Variants in DAPK1 observed in about 807,000 individuals in gnomAD.
The protein encoded by DAPK1 is death associated protein kinase 1.
DAPK1 carries 56 observed loss-of-function variants against 144.9 expected under a neutral mutation model. The ratio of observed to expected loss-of-function variants is 0.39; its 90% CI spans 0.31 to 0.48. DAPK1 has a LOEUF of 0.48. Among genes scored for constraint, DAPK1 ranks in the 20% least tolerant of loss-of-function variants. The pLI is 0.95. For synonymous variants in DAPK1, 690 were observed against 749.0 expected (o/e 0.92, Z 1.29); for missense variants, 1,454 against 1,875.4 (o/e 0.78, Z 4.15).
intron 2 of DAPK1, among the ~76,000 whole-genome samples, chr9:87,503,644 A>C (rs1183972262): frequency 2.6e-5 from 4 of 152,202 alleles, no homozygotes; most frequent in Non-Finnish European, 4.4e-5. Flanking sequence ...TGAGTGGATC[A>C]ATATATGTAA....
chr9:87,686,745 C>T lies in DAPK1; in HGVS notation c.2413+6C>T, dbSNP rs1391343305. 3 of 1,595,726 alleles carry T rather than the reference C, an allele frequency of 1.9e-6. No homozygotes were observed. In the African/African-American group the frequency reaches 4.0e-5, roughly 21 times the overall value. ...CCAGAACGCTTATTTGAATGGTATG[C>T]CCTGCCTGCCCCAAGGGAAGGACCT... On this transcript the variant is annotated splice_donor_region_variant and intron_variant, in intron 21 of 25. Coordinates refer to ENST00000408954, the MANE Select transcript of DAPK1 (RefSeq NM_004938.4). The surrounding 1 kb of genome is among the most constrained non-coding windows in gnomAD (Gnocchi z 4.2).
At chr9:87,678,550 AGT>A (rs963409979) in intron 19 of DAPK1, among the ~76,000 whole-genome samples, 5 of 152,250 alleles carry the variant, frequency 3.3e-5, no homozygotes, top group African/African-American at 1.2e-4. Context: ...AAAAAAGCAA[AGT>A]GTAGTTATTT....
At chr9:87,556,493 T>C (rs7852430) in intron 2 of DAPK1, among the ~76,000 whole-genome samples, 115,902 of 152,080 alleles carry the variant, frequency 0.76, 45,033 homozygotes, top group African/African-American at 0.92. Context: ...ATGCATGGGT[T>C]AGTATTCTGG....
At chr9:87,543,574 T>C (rs1400138471) in intron 2 of DAPK1, among the ~76,000 whole-genome samples, 1 of 152,232 alleles carries the variant, frequency 6.6e-6, no homozygotes, top group Non-Finnish European at 1.5e-5. Context: ...AAATTAATAT[T>C]TGTCCTTATC....
chr9:87,565,530 A>G lies in DAPK1; in HGVS notation c.63-39424A>G, dbSNP rs972965306. On this transcript the variant is annotated intron_variant, in intron 2 of 25. Transcript: ENST00000408954. ...ATAGGAGAATGGCTAGTATGGCACT[A>G]ACTCAGGTTACAGATGGAAGGGAAT... Among the ~76,000 whole-genome samples the G allele has an allele frequency of 3.9e-5, 6 of 152,278 alleles. No homozygotes were observed. In the South Asian group the frequency reaches 6.2e-4, roughly 16 times the overall value.
At chr9:87,597,037 C>T (rs983221248) in intron 2 of DAPK1, among the ~76,000 whole-genome samples, 1 of 152,074 alleles carries the variant, frequency 6.6e-6, no homozygotes, top group Non-Finnish European at 1.5e-5. Context: ...GAGCTGCGGG[C>T]AGGAGCAACT....
chr9:87,597,615 G>T (rs1324950719), intron 2 of DAPK1, among the ~76,000 whole-genome samples: 1 of 152,044 alleles, frequency 6.6e-6, no homozygotes, highest in Non-Finnish European at 1.5e-5. Flanking sequence ...TCACATGCAT[G>T]TCCTCATTTC....
chr9:87,633,146 T>G (rs1303106815), intron 3 of DAPK1: 1 of 981,642 alleles, frequency 1.0e-6, no homozygotes, highest in African/African-American at 1.8e-5. Flanking sequence ...CATGTAGGGA[T>G]GAAGGAGGAT....
At chr9:87,663,976 C>T (rs1587824752) in intron 18 of DAPK1, among the ~76,000 whole-genome samples, 1 of 152,246 alleles carries the variant, frequency 6.6e-6, no homozygotes. Context: ...CTCCAGCCCC[C>T]ACCTGGTTAA....
At chr9:87,554,171 C>T (rs1181899996) in intron 2 of DAPK1, 5 of 152,204 alleles carry the variant, frequency 3.3e-5, no homozygotes, top group African/African-American at 1.2e-4. Flanking sequence ...TGATTTTCAT[C>T]TGGGGAACTT....
In DAPK1 at chr9:87,686,756, C is replaced by G; in HGVS notation, c.2413+17C>G. The G allele has an allele frequency of 6.3e-7, 1 of 1,582,388 alleles. No individual in the cohort carries two copies. Among genetic ancestry groups the G allele is most frequent in the Non-Finnish European group, 8.7e-7 (1 of 1,153,664 alleles). On this transcript the variant is annotated intron_variant, in intron 21 of 25. Transcript: ENST00000408954. This position sits in a 1 kb window ranked among gnomAD's most constrained non-coding sequence, Gnocchi z 4.2. ...ATTTGAATGGTATGCCCTGCCTGCC[C>G]CAAGGGAAGGACCTCAGGTTTCCCT...
At chr9:87,648,626 T>A in intron 14 of DAPK1, 155 bp from the exon 15 acceptor site, 1 of 629,690 alleles carries the variant, frequency 1.6e-6, no homozygotes, top group East Asian at 2.7e-5. Context: ...CAGGTCCCCA[T>A]CCTAGCCACT....
intron 2 of DAPK1, among the ~76,000 whole-genome samples, chr9:87,586,748 C>CT (rs1827952511): frequency 6.6e-6 from 1 of 152,218 alleles, no homozygotes; most frequent in African/African-American, 2.4e-5. Context: ...AACATTAACT[C>CT]TTCTGAATCT....
intron 2 of DAPK1, among the ~76,000 whole-genome samples, chr9:87,524,298 C>T (rs979447780): frequency 1.3e-5 from 2 of 152,234 alleles, no homozygotes; most frequent in Non-Finnish European, 2.9e-5. Context: ...CCTCCCACAG[C>T]TGGACCTGAG....
At chr9:87,502,605 G>A (rs1252437779) in intron 2 of DAPK1, among the ~76,000 whole-genome samples, 1 of 152,094 alleles carries the variant, frequency 6.6e-6, no homozygotes, top group Non-Finnish European at 1.5e-5. Flanking sequence ...TTTCCTGAGG[G>A]ACTGGCCTTC....
In DAPK1 at chr9:87,686,984, A is replaced by G. The variant is rs1824887128; in HGVS notation, c.2413+245A>G. ...TTGGCATACAGTAAGTGCTTGATAA[A>G]TGACTGTGGAGTAAATTAATAATAT... is the stretch of plus-strand genomic sequence containing the variant. On this transcript the variant is annotated intron_variant, in intron 21 of 25. Transcript: ENST00000408954. This position sits in a 1 kb window ranked among gnomAD's most constrained non-coding sequence, Gnocchi z 4.2. 1 of 223,876 alleles carries G rather than the reference A, an allele frequency of 4.5e-6. No homozygotes were observed. The highest frequency in any genetic ancestry group is 7.5e-6 in the Non-Finnish European group (1 of 133,784). The allele number at this position is 223,876 out of a possible 1,614,324, so 13.9% of individuals were successfully genotyped here. A position where few individuals can be genotyped will look rare whatever the true frequency, so the allele number is the denominator to read the frequency against.
chr9:87,643,611 G>T (rs1460789806), intron 11 of DAPK1, 143 bp downstream of exon 11: 3 of 596,584 alleles, frequency 5.0e-6, no homozygotes, highest in Non-Finnish European at 8.9e-6. Flanking sequence ...AGGGGTTTGG[G>T]GGTGCTGATT....
intron 2 of DAPK1, among the ~76,000 whole-genome samples, chr9:87,604,708 G>T (rs917974799): frequency 1.3e-5 from 2 of 152,124 alleles, no homozygotes; most frequent in Admixed American, 1.3e-4. Context: ...GACAGAAATG[G>T]AGACATGATC....
At chr9:87,641,798 A>G (rs557057398) in intron 9 of DAPK1, among the ~76,000 whole-genome samples, 171 bp from the exon 10 acceptor site, 1 of 152,354 alleles carries the variant, frequency 6.6e-6, no homozygotes, top group South Asian at 2.1e-4. Context: ...TAGAAGAGTG[A>G]GCCCGCTAAG....
Sources: gnomAD v4.1 joint callset for allele counts (sites outside exome capture counted in the v4.1 genomes callset) on GRCh38, gnomAD v4.1.1 for gene constraint, Gnocchi (gnomAD v3.1) non-coding constraint, MANE v1.5 for transcripts, NCBI Gene and HGNC (gene_info 2026-07-23, HGNC 2026-07-21) for gene names.